The following ANKS1B variants were observed in gnomAD, a reference collection of about 807,000 sequenced individuals.
ANKS1B encodes ankyrin repeat and sterile alpha motif domain containing 1B.
ANKS1B carries 36 observed loss-of-function variants against 148.3 expected under a neutral mutation model. That is an observed-to-expected ratio of 0.24 (90% CI 0.19 to 0.32). The LOEUF (loss-of-function observed/expected upper bound fraction) is 0.32, where lower values mean the gene tolerates loss of function less well. ANKS1B is among the 10% of genes least tolerant of loss of function. ANKS1B has a pLI of 1.00. For missense variants in ANKS1B, 1,157 were observed against 1,542.6 expected (o/e 0.75, Z 4.19); for synonymous variants, 542 against 560.8 (o/e 0.97, Z 0.47).
chr12:99,339,299 TG>T (rs2089504749), intron 12 of ANKS1B, among the ~76,000 whole-genome samples: 1 of 152,134 alleles, frequency 6.6e-6, no homozygotes, highest in South Asian at 2.1e-4. Flanking sequence ...TCCACTATGA[TG>T]GGGCAGCACT....
At chr12:99,341,304 G>T (rs1000726301) in intron 12 of ANKS1B, 1 of 152,104 alleles carries the variant, frequency 6.6e-6, no homozygotes, top group Non-Finnish European at 1.5e-5. Flanking sequence ...GGAATCTTTT[G>T]GAGTGCTAGA....
intron 12 of ANKS1B, among the ~76,000 whole-genome samples, chr12:99,290,533 A>G (rs571214527): frequency 6.6e-6 from 1 of 152,168 alleles, no homozygotes; most frequent in South Asian, 2.1e-4. Flanking sequence ...ACAAAATAAG[A>G]GCAGTCCAAA....
At chr12:99,299,904 G>A (rs756469050) in intron 12 of ANKS1B, among the ~76,000 whole-genome samples, 3 of 152,032 alleles carry the variant, frequency 2.0e-5, no homozygotes, top group Non-Finnish European at 4.4e-5. Context: ...GCCTTTCCTG[G>A]AAAGGAACAA....
chr12:99,904,435 G>A (rs1007728131), intron 1 of ANKS1B, among the ~76,000 whole-genome samples: 30 of 151,928 alleles, frequency 2.0e-4, no homozygotes, highest in African/African-American at 6.8e-4. Flanking sequence ...CAGGTGATCC[G>A]CCTGCCTCAG....
At chr12:99,801,724 T>C (rs2066976253) in intron 4 of ANKS1B, among the ~76,000 whole-genome samples, 1 of 152,086 alleles carries the variant, frequency 6.6e-6, no homozygotes, top group African/African-American at 2.4e-5. Flanking sequence ...AATGGTACAG[T>C]TGAGAAAGAA....
chr12:99,392,809 T>C (rs1388840685), intron 12 of ANKS1B, among the ~76,000 whole-genome samples: 2 of 152,100 alleles, frequency 1.3e-5, no homozygotes, highest in African/African-American at 2.4e-5. Flanking sequence ...CTGATAAGCA[T>C]AAAATTATCA....
chr12:99,635,251 CT>C (rs1467188779), intron 9 of ANKS1B, among the ~76,000 whole-genome samples: 1 of 152,146 alleles, frequency 6.6e-6, no homozygotes, highest in Non-Finnish European at 1.5e-5. Flanking sequence ...AACTTTACTG[CT>C]TGGTATGCAT....
At chr12:99,610,534 C>A (rs898670171) in intron 9 of ANKS1B, among the ~76,000 whole-genome samples, 8 of 151,974 alleles carry the variant, frequency 5.3e-5, no homozygotes, top group African/African-American at 1.9e-4. Flanking sequence ...TTTCTATGAA[C>A]CACCTTGGTG....
At chr12:99,268,292 AC>A (rs905313055) in intron 12 of ANKS1B, among the ~76,000 whole-genome samples, 4 of 152,218 alleles carry the variant, frequency 2.6e-5, no homozygotes, top group African/African-American at 9.6e-5. Context: ...TCTGAACACT[AC>A]TAGAATTCAG....
intron 8 of ANKS1B, among the ~76,000 whole-genome samples, chr12:99,656,164 G>T (rs981989858): frequency 1.3e-5 from 2 of 152,058 alleles, no homozygotes; most frequent in Non-Finnish European, 2.9e-5. Context: ...AAAAACAAGA[G>T]AATTAATATC....
intron 16 of ANKS1B, among the ~76,000 whole-genome samples, chr12:99,077,389 G>A (rs2048224358): frequency 6.6e-6 from 1 of 152,172 alleles, no homozygotes; most frequent in Admixed American, 6.6e-5. Context: ...GAGGGTAGAT[G>A]GAGAGTGAGT....
chr12:99,604,137 A>T (rs1303758735), intron 9 of ANKS1B, among the ~76,000 whole-genome samples: 1 of 152,130 alleles, frequency 6.6e-6, no homozygotes, highest in African/African-American at 2.4e-5. Context: ...ATCTGTTAAG[A>T]GTTCATTATA....
At chr12:99,290,190 C>T (rs12312038) in intron 12 of ANKS1B, among the ~76,000 whole-genome samples, 47,689 of 150,640 alleles carry the variant, frequency 0.32, 8,855 homozygotes, top group African/African-American at 0.53. Flanking sequence ...TGATTATACA[C>T]AGACAACCTA....
intron 16 of ANKS1B, among the ~76,000 whole-genome samples, chr12:99,075,329 C>T (rs757345205): frequency 5.3e-5 from 8 of 152,110 alleles, no homozygotes; most frequent in East Asian, 1.9e-4. Flanking sequence ...CAAAGAACTC[C>T]AGGATGGAAG....
At chr12:99,212,589 T>C (rs914043002) in intron 14 of ANKS1B, among the ~76,000 whole-genome samples, 3 of 152,264 alleles carry the variant, frequency 2.0e-5, no homozygotes, top group Admixed American at 2.0e-4. Context: ...GGGTACTCAA[T>C]AAATGTTCAT....
chr12:99,892,216 G>A (rs1259030836), intron 1 of ANKS1B, among the ~76,000 whole-genome samples: 1 of 151,988 alleles, frequency 6.6e-6, no homozygotes, highest in African/African-American at 2.4e-5. Flanking sequence ...TGTTAGCCAG[G>A]ATGGTCTTGA....
At chr12:98,889,442 G>A (rs1178602602) in intron 17 of ANKS1B, among the ~76,000 whole-genome samples, 1 of 151,924 alleles carries the variant, frequency 6.6e-6, no homozygotes, top group East Asian at 1.9e-4. Flanking sequence ...CCACCTCCCG[G>A]GCTCAAGCGA....
intron 9 of ANKS1B, among the ~76,000 whole-genome samples, chr12:99,606,702 A>C (rs2153322160): frequency 6.6e-6 from 1 of 152,288 alleles, no homozygotes; most frequent in African/African-American, 2.4e-5. Flanking sequence ...GTTACCAAAA[A>C]GAATTTTTAA....
intron 17 of ANKS1B, among the ~76,000 whole-genome samples, chr12:98,985,783 A>T (rs1350555179): frequency 1.3e-5 from 2 of 152,154 alleles, no homozygotes; most frequent in African/African-American, 4.8e-5. Context: ...AAAATAAGTA[A>T]GAAAACATGT....
Sources: allele counts gnomAD v4.1 joint callset (sites outside exome capture counted in the v4.1 genomes callset), GRCh38; gene constraint gnomAD v4.1.1; transcripts MANE v1.5; gene names NCBI Gene and HGNC (gene_info 2026-07-23, HGNC 2026-07-21).